PTPRS: variants seen among roughly 807,000 people sequenced by gnomAD.
PTPRS encodes the protein receptor-type tyrosine-protein phosphatase S.
A neutral mutation model predicts 215.3 loss-of-function variants in PTPRS; 63 were observed. The ratio of observed to expected loss-of-function variants is 0.29; its 90% CI spans 0.24 to 0.36. The LOEUF (loss-of-function observed/expected upper bound fraction) is 0.36, where lower values mean the gene tolerates loss of function less well. Ranked by LOEUF, PTPRS falls within the 10% of genes least tolerant of loss-of-function variation. The pLI, the probability that PTPRS is intolerant of heterozygous loss-of-function variation, is 1.00. For synonymous variants in PTPRS, 1,404 were observed against 1,191.4 expected, an observed-to-expected ratio of 1.18 and a Z score of -3.68; for missense variants, 2,258 against 2,825.8, an observed-to-expected ratio of 0.80 and a Z score of 4.56.
rs368655375 is a variant in PTPRS at position 5,229,325 on chromosome 19, C to A, written c.2367G>T (p.Thr789=). ...LADAQWETDD[T]AEYEMVITNL... is the part of the protein sequence containing the mutation. ...CAGGGGCGCTACTTACATATTCGGC[C>A]GTGTCATCCGTCTCCCACTGAGCGC... Residue 789 remains threonine, a synonymous_variant, in exon 16 of 38, where the codon ACG becomes ACT. Coordinates refer to ENST00000262963, the MANE Select transcript of PTPRS (RefSeq NM_002850.4). 1.3e-4 allele frequency: 174 copies of A among 1,379,010 alleles called. No individual in the cohort carries two copies. Among genetic ancestry groups the A allele is most frequent in the Non-Finnish European group, 1.6e-4 (168 of 1,061,324 alleles). 85.4% of individuals were successfully genotyped at this position (1,379,010 alleles called of 1,614,324 possible).
intron 13 of PTPRS, among the ~76,000 whole-genome samples, chr19:5,236,384 C>T (rs1290602595): frequency 6.6e-6 from 1 of 152,216 alleles, no homozygotes. Context: ...GATTCACAGG[C>T]TGGCTTGGTT....
chr19:5,286,256 G>A (rs1216613537), intron 1 of PTPRS, 22 bp from the exon 2 acceptor site: 4 of 1,157,270 alleles, frequency 3.5e-6, no homozygotes, highest in East Asian at 2.6e-5. Context: ...ATGGAGGGCT[G>A]TGAGAGGCGA....
At chr19:5,277,846 C>G in intron 2 of PTPRS, 1 of 826,006 alleles carries the variant, frequency 1.2e-6, no homozygotes. Context: ...CTGGGGGAAA[C>G]CCAGAGGTAT....
At chr19:5,302,221 G>T (rs1309223493) in intron 1 of PTPRS, among the ~76,000 whole-genome samples, 2 of 152,034 alleles carry the variant, frequency 1.3e-5, no homozygotes, top group Non-Finnish European at 2.9e-5. Flanking sequence ...AAAATTAGCT[G>T]GGCATGGCAG....
chr19:5,311,666 A>G (rs1385750322), intron 1 of PTPRS, among the ~76,000 whole-genome samples: 2 of 152,176 alleles, frequency 1.3e-5, no homozygotes, highest in Non-Finnish European at 2.9e-5. Flanking sequence ...GGGAGACCCG[A>G]GCTCCCTGGC....
chr19:5,265,455 C>G (rs995559418), intron 4 of PTPRS, among the ~76,000 whole-genome samples: 2 of 152,192 alleles, frequency 1.3e-5, no homozygotes, highest in Non-Finnish European at 2.9e-5. Context: ...GATCCTCCTG[C>G]CTCAGCCTCC....
chr19:5,316,387 TTTTC>T (rs902060028), intron 1 of PTPRS, among the ~76,000 whole-genome samples: 10 of 149,654 alleles, frequency 6.7e-5, no homozygotes, highest in Non-Finnish European at 1.2e-4. Context: ...TTGGGTTTTT[TTTTC>T]TTTCTTTCTT....
intron 2 of PTPRS, among the ~76,000 whole-genome samples, chr19:5,281,720 C>A (rs1259630728): frequency 6.6e-6 from 1 of 152,146 alleles, no homozygotes; most frequent in Non-Finnish European, 1.5e-5. Flanking sequence ...AAGAATGTTA[C>A]TTCTGGTAAA....
rs978761620 is a variant in PTPRS at position 5,339,404 on chromosome 19, AAGG to A, written c.-95+1257_-95+1259del. 6.6e-6 allele frequency among the ~76,000 whole-genome samples: 1 copy of A among 151,880 alleles called. No homozygotes were observed. Among genetic ancestry groups the A allele is most frequent in the Non-Finnish European group, 1.5e-5 (1 of 67,958 alleles). On this transcript the variant is annotated intron_variant, in intron 1 of 37. Coordinates refer to ENST00000262963, the MANE Select transcript of PTPRS (RefSeq NM_002850.4). This position sits in a 1 kb window ranked among gnomAD's most constrained non-coding sequence, Gnocchi z 4.2. ...ACTGGGGAAAGAGGGTCAACCGAAG[AAGG>A]AGGTCCCAGATTTGGGGCGGGGGGT...
chr19:5,306,326 G>C (rs930932612), intron 1 of PTPRS, among the ~76,000 whole-genome samples: 10 of 151,964 alleles, frequency 6.6e-5, no homozygotes, highest in African/African-American at 2.4e-4. Flanking sequence ...TGTATTTTTA[G>C]TAGAGACGGG....
In PTPRS at chr19:5,215,302, G is replaced by A. The variant is rs752932466; in HGVS notation, c.4305C>T (p.Leu1435=). 6.2e-7 allele frequency: 1 copy of A among 1,614,114 alleles called. No homozygotes were observed. The highest frequency in any genetic ancestry group is 1.3e-5 in the African/African-American group (1 of 75,070). Residue 1435 remains leucine (L), a synonymous_variant, in exon 28 of 38, where the codon CTC becomes CTT. Transcript: ENST00000262963. ...VIAYDHSRVI[L]QPIEGIMGSD... ...TCTCCGAACTACCTTCAATGGGCTGGAGGATGACACGGGAGTGGTCATAGG... is the reference window on the plus strand; with the variant it reads ...TCTCCGAACTACCTTCAATGGGCTGAAGGATGACACGGGAGTGGTCATAGG...
intron 25 of PTPRS, among the ~76,000 whole-genome samples, chr19:5,217,822 G>A (rs2041621219): frequency 6.6e-6 from 1 of 152,162 alleles, no homozygotes. Context: ...AGAGGGAGGA[G>A]ATGGTAGAGT....
chr19:5,340,789 G>A lies in PTPRS; in HGVS notation c.-220C>T, dbSNP rs1471870682. Reference sequence around the variant, plus strand: ...GTGCGCGCGCCGGCCGGGCTGCCGGGCGGGCGGCGCGAGGACACTCACTGC... The same window carrying A: ...GTGCGCGCGCCGGCCGGGCTGCCGGACGGGCGGCGCGAGGACACTCACTGC... On this transcript the variant is annotated 5_prime_UTR_variant, in exon 1 of 38. Transcript: ENST00000262963. The A allele has an allele frequency of 6.7e-6, 1 of 149,202 alleles. No individual in the cohort carries two copies. Among genetic ancestry groups the A allele is most frequent in the African/African-American group, 2.4e-5 (1 of 41,056 alleles). 9.2% of individuals were successfully genotyped at this position (149,202 alleles called of 1,614,324 possible).
In PTPRS at chr19:5,244,520, A is replaced by G. The variant is rs45565133; in HGVS notation, c.989-38T>C. 26,122 of 1,557,702 alleles carry G rather than the reference A, an allele frequency of 0.017. 267 individuals carry two copies. Among genetic ancestry groups the G allele is most frequent in the Non-Finnish European group, 0.021 (23,683 of 1,138,250 alleles). On this transcript the variant is annotated intron_variant, in intron 10 of 37. Coordinates refer to ENST00000262963, the MANE Select transcript of PTPRS (RefSeq NM_002850.4). This position sits in a 1 kb window ranked among gnomAD's most constrained non-coding sequence, Gnocchi z 7.2. ...GGCAGCTGTGTCACGCATTGGGCAC[A>G]TTGGTTGAGGACCCTGAAGGCTGTG... is the stretch of plus-strand genomic sequence containing the variant.
At chr19:5,245,155 T>A (rs1233643771) in intron 10 of PTPRS, among the ~76,000 whole-genome samples, 2 of 150,032 alleles carry the variant, frequency 1.3e-5, no homozygotes, top group Non-Finnish European at 3.0e-5. Context: ...AATTTTTTTT[T>A]TTTTTTGTAT....
intron 14 of PTPRS, among the ~76,000 whole-genome samples, chr19:5,230,021 T>G (rs1045111095): frequency 1.3e-5 from 2 of 152,164 alleles, no homozygotes; most frequent in African/African-American, 4.8e-5. Flanking sequence ...CATTCTCATT[T>G]TACATTTGGG....
intron 28 of PTPRS, 39 bp downstream of exon 28, chr19:5,215,250 T>C: frequency 6.2e-7 from 1 of 1,608,402 alleles, no homozygotes; most frequent in Non-Finnish European, 8.5e-7. Flanking sequence ...TTCCATGCAG[T>C]GGGGAAGGGC....
intron 1 of PTPRS, among the ~76,000 whole-genome samples, chr19:5,309,944 T>G (rs2049640954): frequency 1.3e-5 from 2 of 152,120 alleles, no homozygotes; most frequent in South Asian, 4.1e-4. Context: ...GGTTCCTCCT[T>G]TGCCCATAGC....
chr19:5,291,966 C>T (rs2048858305), intron 1 of PTPRS, among the ~76,000 whole-genome samples: 1 of 151,944 alleles, frequency 6.6e-6, no homozygotes, highest in Non-Finnish European at 1.5e-5. Flanking sequence ...CTGTTCCTTC[C>T]ACCCAGCATA....
Sources: gnomAD v4.1 joint callset for allele counts (sites outside exome capture counted in the v4.1 genomes callset) on GRCh38, gnomAD v4.1.1 for gene constraint, Gnocchi (gnomAD v3.1) non-coding constraint, MANE v1.5 for transcripts, NCBI Gene and HGNC (gene_info 2026-07-23, HGNC 2026-07-21) for gene names.